Variants in RSU1 observed in about 807,000 individuals in gnomAD.
The protein encoded by RSU1 is rsu-1.
A neutral mutation model predicts 31.1 loss-of-function variants in RSU1; 26 were observed. The ratio of observed to expected loss-of-function variants is 0.84; its 90% CI spans 0.61 to 1.16. RSU1 has a LOEUF of 1.16. RSU1 is among the 50% of genes most tolerant of loss of function. RSU1 has a pLI of 0.00. For synonymous variants in RSU1, 164 were observed against 136.3 expected, an observed-to-expected ratio of 1.20 and a Z score of -1.41; for missense variants, 320 against 339.1, an observed-to-expected ratio of 0.94 and a Z score of 0.44.
At chr10:16,637,900 G>T (rs548592083) in intron 8 of RSU1, among the ~76,000 whole-genome samples, 1 of 151,792 alleles carries the variant, frequency 6.6e-6, no homozygotes. Context: ...AACAGTACCC[G>T]CATCCCTAGA....
At chr10:16,768,485 A>G (rs1837362306) in intron 3 of RSU1, among the ~76,000 whole-genome samples, 3 of 150,596 alleles carry the variant, frequency 2.0e-5, no homozygotes, top group Non-Finnish European at 2.9e-5. Context: ...GTTTGCGGGA[A>G]CAGTCCCAGA....
At chr10:16,624,325 C>T (rs912509442) in intron 8 of RSU1, among the ~76,000 whole-genome samples, 5 of 152,088 alleles carry the variant, frequency 3.3e-5, no homozygotes, top group Non-Finnish European at 5.9e-5. Flanking sequence ...CAGTTACTTC[C>T]CTTTCTGGTC....
chr10:16,759,558 T>C (rs1443221703), intron 4 of RSU1, among the ~76,000 whole-genome samples: 1 of 152,104 alleles, frequency 6.6e-6, no homozygotes, highest in Non-Finnish European at 1.5e-5. Flanking sequence ...ACAAGGGACT[T>C]AATAAAAACT....
chr10:16,730,106 G>A (rs367569231), intron 7 of RSU1, among the ~76,000 whole-genome samples: 24 of 152,290 alleles, frequency 1.6e-4, no homozygotes, highest in African/African-American at 5.8e-4. Context: ...AGATGACAGC[G>A]AGAGGATGGA....
intron 8 of RSU1, among the ~76,000 whole-genome samples, chr10:16,681,178 C>T (rs1382723244): frequency 6.6e-6 from 1 of 152,180 alleles, no homozygotes; most frequent in Non-Finnish European, 1.5e-5. Context: ...ATATAACGCA[C>T]AACTGACAAA....
At chr10:16,707,630 T>C (rs2131577433) in intron 7 of RSU1, among the ~76,000 whole-genome samples, 1 of 151,840 alleles carries the variant, frequency 6.6e-6, no homozygotes, top group Non-Finnish European at 1.5e-5. Context: ...TCTTGCCAGA[T>C]ACATACTTTG....
intron 7 of RSU1, among the ~76,000 whole-genome samples, chr10:16,737,165 A>G (rs1836644497): frequency 6.6e-6 from 1 of 151,958 alleles, no homozygotes; most frequent in Admixed American, 6.6e-5. Flanking sequence ...GAAATCAATC[A>G]ATCAATAAAA....
intron 8 of RSU1, among the ~76,000 whole-genome samples, chr10:16,612,856 T>G (rs948860999): frequency 1.3e-5 from 2 of 152,140 alleles, no homozygotes; most frequent in African/African-American, 4.8e-5. Flanking sequence ...TGGTTATATA[T>G]TCTCCTCTCC....
intron 2 of RSU1, among the ~76,000 whole-genome samples, chr10:16,797,089 T>C (rs913509812): frequency 6.6e-6 from 1 of 152,158 alleles, no homozygotes; most frequent in African/African-American, 2.4e-5. Flanking sequence ...GGGCCTGCAG[T>C]AGGGTCTGAT....
rs193173592 is a variant in RSU1, at chr10:16,715,648, C to G, written c.599-20493G>C. Among the ~76,000 whole-genome samples, 240 of 152,320 alleles carry G rather than the reference C, an allele frequency of 1.6e-3. 3 individuals are homozygous for G. The highest frequency in any genetic ancestry group is 5.6e-3 in the African/African-American group (232 of 41,554). On this transcript the variant is annotated intron_variant, in intron 7 of 8. Coordinates refer to ENST00000345264, the MANE Select transcript of RSU1 (RefSeq NM_012425.4). ...AGGATTTATTTCTGGGGTCTCTATT[C>G]TATTCCATTGGTCAATATATCTGCC...
At chr10:16,610,130 AATTT>A (rs1833868899) in intron 8 of RSU1, among the ~76,000 whole-genome samples, 1 of 152,216 alleles carries the variant, frequency 6.6e-6, no homozygotes, top group Non-Finnish European at 1.5e-5. Context: ...TAATTTAGTA[AATTT>A]ATTACATAAA....
chr10:16,804,909 C>G (rs1224808230), intron 2 of RSU1, among the ~76,000 whole-genome samples: 2 of 152,136 alleles, frequency 1.3e-5, no homozygotes, highest in Admixed American at 1.3e-4. Context: ...ACGGTGAATA[C>G]ATTACATTAA....
intron 7 of RSU1, among the ~76,000 whole-genome samples, chr10:16,696,588 T>C (rs1835680502): frequency 6.6e-6 from 1 of 152,190 alleles, no homozygotes; most frequent in Non-Finnish European, 1.5e-5. Context: ...TACTAAGAAT[T>C]TGTTGGCGCT....
intron 8 of RSU1, among the ~76,000 whole-genome samples, chr10:16,645,190 G>T (rs2131506149): frequency 6.6e-6 from 1 of 152,230 alleles, no homozygotes; most frequent in South Asian, 2.1e-4. Flanking sequence ...CATAAATAAG[G>T]ATTTGGGCTA....
At chr10:16,809,997 G>A (rs575894615) in intron 2 of RSU1, among the ~76,000 whole-genome samples, 1 of 150,522 alleles carries the variant, frequency 6.6e-6, no homozygotes, top group Non-Finnish European at 1.5e-5. Flanking sequence ...GGGGGTGGGG[G>A]GGGGAGGTGA....
rs561122838 is a variant in RSU1, at chr10:16,772,878, G to A, written c.161-8368C>T. On this transcript the variant is annotated intron_variant, in intron 3 of 8. Coordinates refer to ENST00000345264, the MANE Select transcript of RSU1 (RefSeq NM_012425.4). Reference sequence around the variant, plus strand: ...TTTTACATGCACACAGAAAAAGCACGTTTTGTCATTAGTTTCTGTCTTCTT... The same window carrying A: ...TTTTACATGCACACAGAAAAAGCACATTTTGTCATTAGTTTCTGTCTTCTT... Among the ~76,000 whole-genome samples, 9 of 152,182 alleles carry A rather than the reference G, an allele frequency of 5.9e-5. No homozygotes were observed. The East Asian group carries it at 9.7e-4, about 16-fold the overall frequency.
chr10:16,771,080 G>T (rs1260530144), intron 3 of RSU1, among the ~76,000 whole-genome samples: 1 of 151,906 alleles, frequency 6.6e-6, no homozygotes, highest in Admixed American at 6.6e-5. Flanking sequence ...TAGAAGGACA[G>T]AGGATGGCAG....
intron 8 of RSU1, among the ~76,000 whole-genome samples, chr10:16,630,312 A>G (rs551440272): frequency 9.2e-5 from 14 of 152,324 alleles, no homozygotes; most frequent in African/African-American, 3.4e-4. Context: ...TCATAACTAC[A>G]CAAAATGATT....
chr10:16,697,612 C>T (rs951385443), intron 7 of RSU1, among the ~76,000 whole-genome samples: 6 of 149,886 alleles, frequency 4.0e-5, no homozygotes, highest in African/African-American at 7.4e-5. Context: ...TGCAGTGAGC[C>T]GAAATGGCAC....
Sources: gnomAD v4.1 joint callset for allele counts (sites outside exome capture counted in the v4.1 genomes callset) on GRCh38, gnomAD v4.1.1 for gene constraint, MANE v1.5 for transcripts, NCBI Gene and HGNC (gene_info 2026-07-23, HGNC 2026-07-21) for gene names.